DSCAML1: variants seen among roughly 807,000 people sequenced by gnomAD.
The protein encoded by DSCAML1 is DS cell adhesion molecule like 1, also known as cell adhesion molecule DSCAML1.
A neutral mutation model predicts 200.5 loss-of-function variants in DSCAML1; 38 were observed. That is an observed-to-expected ratio of 0.19 (90% CI 0.15 to 0.25). DSCAML1 has a LOEUF of 0.25. DSCAML1 is among the 10% of genes least tolerant of loss of function. The pLI is 1.00. For synonymous variants in DSCAML1, 1,215 were observed against 1,165.0 expected (o/e 1.04, Z -0.87); for missense variants, 2,223 against 2,858.8 (o/e 0.78, Z 5.07).
intron 11 of DSCAML1, among the ~76,000 whole-genome samples, chr11:117,484,189 G>A (rs7129284): frequency 0.29 from 44,027 of 151,968 alleles, 7,098 homozygotes; most frequent in East Asian, 0.43. Context: ...CTCCAGGGAC[G>A]TCTGACTTTT....
At chr11:117,766,626 G>A (rs914810574) in intron 3 of DSCAML1, among the ~76,000 whole-genome samples, 1 of 152,198 alleles carries the variant, frequency 6.6e-6, no homozygotes, top group Non-Finnish European at 1.5e-5. Context: ...CTTGCTCTGT[G>A]TCCACCGCCA....
intron 3 of DSCAML1, among the ~76,000 whole-genome samples, chr11:117,726,212 G>T (rs948104): frequency 0.81 from 123,086 of 152,042 alleles, 52,480 homozygotes; most frequent in Non-Finnish European, 0.94. Context: ...GGTAATAATC[G>T]CTACTTTGTA....
At chr11:117,658,534 G>A (rs538940784) in intron 3 of DSCAML1, among the ~76,000 whole-genome samples, 2 of 152,300 alleles carry the variant, frequency 1.3e-5, no homozygotes, top group South Asian at 2.1e-4. Flanking sequence ...GATCTGACAC[G>A]TCAGGGCATT....
At chr11:117,607,540 A>G (rs1220499464) in intron 3 of DSCAML1, among the ~76,000 whole-genome samples, 1 of 152,236 alleles carries the variant, frequency 6.6e-6, no homozygotes, top group African/African-American at 2.4e-5. Flanking sequence ...TGAAGGGACT[A>G]GCTACAGAGG....
intron 3 of DSCAML1, among the ~76,000 whole-genome samples, chr11:117,553,830 A>G (rs2050511396): frequency 6.6e-6 from 1 of 152,262 alleles, no homozygotes; most frequent in Non-Finnish European, 1.5e-5. Flanking sequence ...TGAAGCCGGG[A>G]CTGGAAGAGG....
chr11:117,812,878 AC>A (rs982129064), intron 1 of DSCAML1, among the ~76,000 whole-genome samples: 3 of 151,404 alleles, frequency 2.0e-5, no homozygotes, highest in African/African-American at 7.3e-5. Context: ...AAACAACTTG[AC>A]CTTACTGTTT....
intron 3 of DSCAML1, among the ~76,000 whole-genome samples, chr11:117,701,362 C>A (rs188870165): frequency 1.2e-4 from 18 of 152,290 alleles, no homozygotes; most frequent in Admixed American, 1.1e-3. Flanking sequence ...GATGATACCA[C>A]CCTGGGCAGG....
chr11:117,783,497 T>C (rs1252926893), intron 1 of DSCAML1, among the ~76,000 whole-genome samples: 1 of 152,202 alleles, frequency 6.6e-6, no homozygotes, highest in Non-Finnish European at 1.5e-5. Flanking sequence ...CTGACTTCAT[T>C]GTTAACTACA....
At chr11:117,519,081 A>AT (rs1001000027) in intron 6 of DSCAML1, among the ~76,000 whole-genome samples, 42 of 152,350 alleles carry the variant, frequency 2.8e-4, no homozygotes, top group African/African-American at 9.6e-4. Flanking sequence ...TACCCACCTC[A>AT]TGGATAGTCT....
chr11:117,494,997 T>C (rs1470978157), intron 11 of DSCAML1, among the ~76,000 whole-genome samples: 1 of 152,192 alleles, frequency 6.6e-6, no homozygotes, highest in African/African-American at 2.4e-5. Context: ...GTTCCTGTTG[T>C]TTCAGGCCAT....
chr11:117,815,413 G>A (rs1311621087), intron 1 of DSCAML1, among the ~76,000 whole-genome samples: 4 of 152,148 alleles, frequency 2.6e-5, no homozygotes, highest in African/African-American at 7.2e-5. Flanking sequence ...CACCTTCCAC[G>A]GTGTGGTCTG....
intron 3 of DSCAML1, among the ~76,000 whole-genome samples, chr11:117,601,539 A>C (rs1374842732): frequency 6.6e-6 from 1 of 152,196 alleles, no homozygotes; most frequent in African/African-American, 2.4e-5. Flanking sequence ...CAGGATCTGA[A>C]ATTCCACTAT....
chr11:117,726,763 T>C (rs2054139486), intron 3 of DSCAML1, among the ~76,000 whole-genome samples: 1 of 152,158 alleles, frequency 6.6e-6, no homozygotes. Context: ...GCTGGTGACC[T>C]GCTAAACCCC....
chr11:117,651,192 C>T (rs1351062721), intron 3 of DSCAML1, among the ~76,000 whole-genome samples: 1 of 152,262 alleles, frequency 6.6e-6, no homozygotes. Context: ...TCCATGGCTA[C>T]TGGACCAGGG....
At chr11:117,499,378 G>T (rs1347050631) in intron 11 of DSCAML1, among the ~76,000 whole-genome samples, 1 of 152,160 alleles carries the variant, frequency 6.6e-6, no homozygotes, top group Non-Finnish European at 1.5e-5. Context: ...GGGAACTGGG[G>T]TCATCTAGTG....
At chr11:117,519,604 G>A (rs1277223484) in intron 6 of DSCAML1, among the ~76,000 whole-genome samples, 1 of 152,160 alleles carries the variant, frequency 6.6e-6, no homozygotes, top group East Asian at 1.9e-4. Context: ...AGGACTGCTT[G>A]AACCCAGGAG....
At position 117,463,742 on chromosome 11, in the gene DSCAML1, C is replaced by T. The variant is rs1592616845; in HGVS notation, c.3265+1200G>A. Among the ~76,000 whole-genome samples the T allele has an allele frequency of 6.6e-6, 1 of 152,206 alleles. No individual in the cohort carries two copies. The highest frequency in any genetic ancestry group is 1.9e-4 in the East Asian group (1 of 5,192). ...CCCTGGACTTCTCTGCCACGTGCCT[C>T]TTTCCTTCTTTCAGTTCTCCCCTCT... On this transcript the variant is annotated intron_variant, in intron 17 of 32. Coordinates refer to ENST00000651296, the MANE Select transcript of DSCAML1 (RefSeq NM_020693.4). This position sits in a 1 kb window ranked among gnomAD's most constrained non-coding sequence, Gnocchi z 4.0.
At chr11:117,696,654 C>T (rs2053591549) in intron 3 of DSCAML1, among the ~76,000 whole-genome samples, 1 of 152,096 alleles carries the variant, frequency 6.6e-6, no homozygotes, top group Non-Finnish European at 1.5e-5. Context: ...CAGGACCCGT[C>T]TCCCCTTGTC....
rs1332299146 is a variant in DSCAML1, at chr11:117,505,890, A to G, written c.1784-158T>C. Among the ~76,000 whole-genome samples the G allele has an allele frequency of 6.6e-6, 1 of 152,134 alleles. No homozygotes were observed. The highest frequency in any genetic ancestry group is 2.4e-5 in the African/African-American group (1 of 41,418). ...TTCTCCTATGCATGCAGGGTCTCCTAATGATGCCTGGCTCCTGTCCCTCTG... is the reference window on the plus strand; with the variant it reads ...TTCTCCTATGCATGCAGGGTCTCCTGATGATGCCTGGCTCCTGTCCCTCTG... On this transcript the variant is annotated intron_variant, in intron 8 of 32. Coordinates refer to ENST00000651296, the MANE Select transcript of DSCAML1 (RefSeq NM_020693.4). This position sits in a 1 kb window ranked among gnomAD's most constrained non-coding sequence, Gnocchi z 6.7.
Sources: allele counts gnomAD v4.1 joint callset (sites outside exome capture counted in the v4.1 genomes callset), GRCh38; gene constraint gnomAD v4.1.1; non-coding constraint Gnocchi (gnomAD v3.1); transcripts MANE v1.5; gene names NCBI Gene and HGNC (gene_info 2026-07-23, HGNC 2026-07-21).